The following SYTL2 variants were observed in gnomAD, a reference collection of about 807,000 sequenced individuals.
SYTL2 encodes synaptotagmin like 2, also known as synaptotagmin-like protein 2.
A neutral mutation model predicts 198.7 loss-of-function variants in SYTL2; 165 were observed. The ratio of observed to expected loss-of-function variants is 0.83; its 90% confidence interval spans 0.73 to 0.94. The LOEUF is 0.94. Among genes scored for constraint, SYTL2 ranks in the 40% least tolerant of loss-of-function variants. The pLI, the probability that SYTL2 is intolerant of heterozygous loss-of-function variation, is 0.00. For synonymous variants in SYTL2, 966 were observed against 917.7 expected (o/e 1.05, Z -0.95); for missense variants, 2,835 against 2,582.8 (o/e 1.10, Z -2.12).
Position 85,712,670 on chromosome 11 carries a change from A to G in SYTL2, c.5626-1438T>C, listed in dbSNP as rs534355055. 3.9e-5 allele frequency among the ~76,000 whole-genome samples: 6 copies of G among 151,974 alleles called. No individual in the cohort carries two copies. The East Asian group carries it at 1.2e-3, about 29-fold the overall frequency. ...GAGAAAAATTAAAAACCAGGAACTT[A>G]TATAATTTGCCTCGAAAATACATAT... is the stretch of plus-strand genomic sequence containing the variant. On this transcript the variant is annotated intron_variant, in intron 12 of 19. Coordinates refer to ENST00000359152, the MANE Select transcript of SYTL2 (RefSeq NM_206927.4).
the SYTL2 span, among the ~76,000 whole-genome samples, chr11:85,840,203 G>T: frequency 7.5e-3 from 1,143 of 152,074 alleles, 19 homozygotes; most frequent in African/African-American, 0.026. Flanking sequence ...TTGTCAGATG[G>T]GTAGTTTGCA....
chr11:85,711,683 A>C (rs1204263919), intron 12 of SYTL2, among the ~76,000 whole-genome samples: 1 of 152,172 alleles, frequency 6.6e-6, no homozygotes, highest in Non-Finnish European at 1.5e-5. Context: ...TCTAAAAATC[A>C]AATCTTTTAC....
At chr11:85,717,815 G>C in intron 10 of SYTL2, 2 of 463,770 alleles carry the variant, frequency 4.3e-6, no homozygotes, top group Middle Eastern at 6.4e-4. Context: ...TGGACTAGGA[G>C]TAATGAAGCT....
At chr11:85,710,126 T>C (rs2085991545) in intron 13 of SYTL2, among the ~76,000 whole-genome samples, 1 of 152,220 alleles carries the variant, frequency 6.6e-6, no homozygotes, top group African/African-American at 2.4e-5. Context: ...ATGCTTAATA[T>C]TTAAAATCCA....
At chr11:85,843,825 T>C in the SYTL2 span, among the ~76,000 whole-genome samples, 1 of 152,188 alleles carries the variant, frequency 6.6e-6, no homozygotes, top group South Asian at 2.1e-4. Context: ...ATTATGTCCA[T>C]TTTATAGATA....
intron 2 of SYTL2, among the ~76,000 whole-genome samples, chr11:85,749,492 AC>A (rs1236071913): frequency 1.3e-5 from 2 of 152,298 alleles, no homozygotes; most frequent in East Asian, 3.9e-4. Context: ...ACACAGGCAT[AC>A]CTGGGAGTGG....
At chr11:85,697,295 C>CAAATCCCCAAAGTGCTATAAT in intron 18 of SYTL2, among the ~76,000 whole-genome samples, 1 of 152,290 alleles carries the variant, frequency 6.6e-6, no homozygotes, top group South Asian at 2.1e-4. Context: ...CCGCCTTGGC[C>CAAATCCCCAAAGTGCTATAAT]TCCCAAAGTG....
chr11:85,846,628 T>C, the SYTL2 span, among the ~76,000 whole-genome samples: 4 of 151,816 alleles, frequency 2.6e-5, no homozygotes, highest in Non-Finnish European at 5.9e-5. Context: ...AGTTTCACCA[T>C]GTTGGTCAGG....
intron 1 of SYTL2, among the ~76,000 whole-genome samples, chr11:85,768,915 CA>C (rs1329874187): frequency 1.3e-5 from 2 of 152,096 alleles, no homozygotes; most frequent in Non-Finnish European, 2.9e-5. Context: ...TCTGGTTCTG[CA>C]GTAACAGCCC....
chr11:85,708,541 G>A (rs981390462), intron 14 of SYTL2, among the ~76,000 whole-genome samples: 6 of 152,114 alleles, frequency 3.9e-5, no homozygotes, highest in Non-Finnish European at 5.9e-5. Context: ...TTCCCCTAAA[G>A]TTCTGTAAGA....
chr11:85,728,699 A>G (rs1023733933), intron 7 of SYTL2, among the ~76,000 whole-genome samples: 5 of 152,202 alleles, frequency 3.3e-5, no homozygotes, highest in Admixed American at 1.3e-4. Context: ...CCTGGCACAT[A>G]TCATAAACCC....
intron 2 of SYTL2, among the ~76,000 whole-genome samples, chr11:85,748,732 A>G (rs1480001802): frequency 6.6e-6 from 1 of 152,222 alleles, no homozygotes; most frequent in Non-Finnish European, 1.5e-5. Context: ...CAAATACCCC[A>G]GGGAGGGATA....
chr11:85,784,651 A>T (rs1387283894), intron 1 of SYTL2, among the ~76,000 whole-genome samples: 1 of 152,204 alleles, frequency 6.6e-6, no homozygotes, highest in African/African-American at 2.4e-5. Flanking sequence ...ACTACTATTT[A>T]GGCTGAGATA....
At chr11:85,835,951 A>G in the SYTL2 span, among the ~76,000 whole-genome samples, 1 of 152,168 alleles carries the variant, frequency 6.6e-6, no homozygotes, top group Non-Finnish European at 1.5e-5. Flanking sequence ...GCCTCTTGCT[A>G]TAAATTCAAT....
the SYTL2 span, among the ~76,000 whole-genome samples, chr11:85,835,770 T>G: frequency 6.6e-6 from 1 of 152,226 alleles, no homozygotes. Context: ...AATGTCAGTA[T>G]GTAGACGTGT....
chr11:85,818,767 T>C, the SYTL2 span, among the ~76,000 whole-genome samples: 3 of 152,156 alleles, frequency 2.0e-5, no homozygotes, highest in Admixed American at 2.0e-4. Context: ...CATAGTTCAC[T>C]GCAGCCTTGA....
chr11:85,735,076 A>C (rs2090200081), intron 6 of SYTL2, among the ~76,000 whole-genome samples: 1 of 152,360 alleles, frequency 6.6e-6, no homozygotes, highest in Middle Eastern at 3.4e-3. Context: ...AATGTGGTTC[A>C]TCACGTGTAA....
chr11:85,829,741 C>G, the SYTL2 span, among the ~76,000 whole-genome samples: 2 of 152,174 alleles, frequency 1.3e-5, no homozygotes, highest in African/African-American at 4.8e-5. Flanking sequence ...GCCATTCTGA[C>G]TGGTGTACTA....
At position 85,727,133 on chromosome 11, in the gene SYTL2, A is replaced by G; in HGVS notation, c.2225T>C (p.Ile742Thr). 10 of 1,536,194 alleles carry G rather than the reference A, an allele frequency of 6.5e-6. No homozygotes were observed. The highest frequency in any genetic ancestry group is 7.8e-6 in the Non-Finnish European group (9 of 1,146,872). ...CTCTGGCTCTAAGGAGGCTTTCAGG[A>G]TATAGGTATTTCCTACTTTGCTCTT... is the stretch of plus-strand genomic sequence containing the variant. ...ERKSKVGNTYILKASLEPENI... is the reference protein window; with the variant it reads ...ERKSKVGNTYTLKASLEPENI... The change falls in exon 8 of 20, where the codon ATC becomes ACC. Residue 742 changes from isoleucine to threonine, a missense_variant. By Grantham distance (89) the Ile-to-Thr change is moderately conservative. Around this residue, in one of 3 missense-constraint regions of SYTL2, gnomAD observed 2,645 missense variants for 2,381.7 expected, o/e 1.11. Transcript: ENST00000359152.
Sources: allele counts gnomAD v4.1 joint callset (sites outside exome capture counted in the v4.1 genomes callset), GRCh38; gene constraint gnomAD v4.1.1; regional missense constraint gnomAD v4.1.1; transcripts MANE v1.5; gene names NCBI Gene and HGNC (gene_info 2026-07-23, HGNC 2026-07-21).